Variants in SH3GL2 observed in about 807,000 individuals in gnomAD.
The protein encoded by SH3GL2 is SH3 domain containing GRB2 like 2, endophilin A1, also known as endophilin-A1.
SH3GL2 carries 24 observed loss-of-function variants against 46.0 expected under a neutral mutation model. The ratio of observed to expected loss-of-function variants is 0.52; its 90% confidence interval spans 0.38 to 0.73. The LOEUF is 0.73. Among genes scored for constraint, SH3GL2 ranks in the 30% least tolerant of loss-of-function variants. The pLI is 0.00. For missense variants in SH3GL2, 413 were observed against 424.2 expected (o/e 0.97, Z 0.23); for synonymous variants, 196 against 147.1 (o/e 1.33, Z -2.40).
At chr9:17,621,381 T>C (rs1037013993) in intron 1 of SH3GL2, among the ~76,000 whole-genome samples, 5 of 152,252 alleles carry the variant, frequency 3.3e-5, no homozygotes, top group African/African-American at 1.2e-4. Context: ...GACCTGCCTC[T>C]TAATCAGCCA....
intron 1 of SH3GL2, among the ~76,000 whole-genome samples, chr9:17,605,289 T>G (rs1337135942): frequency 6.6e-6 from 1 of 152,090 alleles, no homozygotes; most frequent in African/African-American, 2.4e-5. Flanking sequence ...ACAGTTACTT[T>G]TGTTTCCAAT....
At chr9:17,735,533 C>T (rs146228750) in intron 1 of SH3GL2, among the ~76,000 whole-genome samples, 297 of 151,652 alleles carry the variant, frequency 2.0e-3, no homozygotes, top group Non-Finnish European at 3.1e-3. Context: ...TTCAACCAAA[C>T]GTGGGTGGAA....
At chr9:17,614,424 A>G (rs2134587108) in intron 1 of SH3GL2, among the ~76,000 whole-genome samples, 1 of 152,018 alleles carries the variant, frequency 6.6e-6, no homozygotes, top group Admixed American at 6.6e-5. Flanking sequence ...GTGTCAAGGA[A>G]ATTGACTTGG....
intron 1 of SH3GL2, among the ~76,000 whole-genome samples, chr9:17,618,241 A>G (rs1302687144): frequency 6.6e-6 from 1 of 152,158 alleles, no homozygotes; most frequent in Non-Finnish European, 1.5e-5. Context: ...GGATGCTGCT[A>G]AACATCCTGC....
At chr9:17,656,370 A>G (rs1820077667) in intron 1 of SH3GL2, among the ~76,000 whole-genome samples, 1 of 151,968 alleles carries the variant, frequency 6.6e-6, no homozygotes, top group African/African-American at 2.4e-5. Context: ...TAGCTTTATG[A>G]AATTGTAAAT....
At chr9:17,712,910 G>C (rs1353759226) in intron 1 of SH3GL2, among the ~76,000 whole-genome samples, 1 of 125,184 alleles carries the variant, frequency 8.0e-6, no homozygotes, top group Non-Finnish European at 1.6e-5. Context: ...ATGTCCAATA[G>C]AAATAGTAAG....
chr9:17,586,519 A>G (rs531910827), intron 1 of SH3GL2, among the ~76,000 whole-genome samples: 3 of 152,334 alleles, frequency 2.0e-5, no homozygotes, highest in Non-Finnish European at 2.9e-5. Context: ...TTGCTAATAA[A>G]GGCATACCCG....
chr9:17,783,471 T>A (rs1823870285), intron 3 of SH3GL2, among the ~76,000 whole-genome samples: 1 of 151,790 alleles, frequency 6.6e-6, no homozygotes, highest in Non-Finnish European at 1.5e-5. Flanking sequence ...CAGGCAGGGC[T>A]AGCAGAGCTT....
At chr9:17,684,789 T>G (rs1212265052) in intron 1 of SH3GL2, among the ~76,000 whole-genome samples, 1 of 152,108 alleles carries the variant, frequency 6.6e-6, no homozygotes, top group Non-Finnish European at 1.5e-5. Context: ...GGTTACAGTG[T>G]TAACAGAATA....
At chr9:17,789,081 C>T (rs1824048056) in intron 5 of SH3GL2, among the ~76,000 whole-genome samples, 1 of 152,220 alleles carries the variant, frequency 6.6e-6, no homozygotes, top group South Asian at 2.1e-4. Flanking sequence ...CATTCCTTCT[C>T]TGTTTCTGTC....
At chr9:17,613,405 A>T (rs1818912683) in intron 1 of SH3GL2, among the ~76,000 whole-genome samples, 1 of 152,196 alleles carries the variant, frequency 6.6e-6, no homozygotes, top group African/African-American at 2.4e-5. Context: ...AATTAAAATG[A>T]CAAAATATTG....
chr9:17,779,241 A>G (rs1823731346), intron 3 of SH3GL2, among the ~76,000 whole-genome samples: 1 of 152,152 alleles, frequency 6.6e-6, no homozygotes, highest in African/African-American at 2.4e-5. Context: ...TGGTTTTAAA[A>G]TGTTTTCTGA....
At chr9:17,678,767 C>G (rs1038266286) in intron 1 of SH3GL2, among the ~76,000 whole-genome samples, 1 of 152,104 alleles carries the variant, frequency 6.6e-6, no homozygotes, top group Non-Finnish European at 1.5e-5. Flanking sequence ...GGTTTTAGGT[C>G]TAACATTTAA....
chr9:17,647,429 G>C (rs200361391), intron 1 of SH3GL2, among the ~76,000 whole-genome samples: 21 of 91,808 alleles, frequency 2.3e-4, no homozygotes, highest in African/African-American at 5.7e-4. Context: ...CTCTCTCTCT[G>C]TCTCTCTCTC....
chr9:17,689,243 G>A (rs1429486111), intron 1 of SH3GL2, among the ~76,000 whole-genome samples: 1 of 151,898 alleles, frequency 6.6e-6, no homozygotes, highest in Non-Finnish European at 1.5e-5. Context: ...AAAACTTTCA[G>A]GGTCATCAAA....
chr9:17,738,192 G>T (rs2118470776), intron 1 of SH3GL2, among the ~76,000 whole-genome samples: 1 of 152,056 alleles, frequency 6.6e-6, no homozygotes, highest in Middle Eastern at 3.4e-3. Flanking sequence ...CAATTTGAGT[G>T]CTGCTATATT....
chr9:17,747,716 C>A (rs1393630842), intron 2 of SH3GL2, among the ~76,000 whole-genome samples: 3 of 151,854 alleles, frequency 2.0e-5, no homozygotes, highest in Non-Finnish European at 4.4e-5. Context: ...GCTCTGTTGC[C>A]CAAGCTGGAG....
chr9:17,730,050 G>A (rs1259223016), intron 1 of SH3GL2, among the ~76,000 whole-genome samples: 1 of 152,100 alleles, frequency 6.6e-6, no homozygotes, highest in East Asian at 1.9e-4. Context: ...ATTACTTTGG[G>A]CAATATGGCC....
chr9:17,580,962 T>C (rs1301582776), intron 1 of SH3GL2, among the ~76,000 whole-genome samples: 1 of 152,234 alleles, frequency 6.6e-6, no homozygotes, highest in Non-Finnish European at 1.5e-5. Context: ...CTGCCTCTGC[T>C]GCTTCTGACC....
Sources: gnomAD v4.1 joint callset for allele counts (sites outside exome capture counted in the v4.1 genomes callset) on GRCh38, gnomAD v4.1.1 for gene constraint, MANE v1.5 for transcripts, NCBI Gene and HGNC (gene_info 2026-07-23, HGNC 2026-07-21) for gene names.